Variants in SSBP3 observed in about 807,000 individuals in gnomAD.
SSBP3 encodes single stranded DNA binding protein 3, also known as single-stranded DNA-binding protein 3.
Under a neutral mutation model 69.6 loss-of-function variants are expected in SSBP3, and 5 were observed. The observed-to-expected ratio is 0.07, with a 90% CI of 0.04 to 0.15. The LOEUF (loss-of-function observed/expected upper bound fraction) is 0.15. Among genes scored for constraint, SSBP3 ranks in the 10% least tolerant of loss-of-function variants. The pLI, the probability that SSBP3 is intolerant of heterozygous loss-of-function variation, is 1.00. For missense variants in SSBP3, 312 were observed against 534.0 expected (o/e 0.58, Z 4.10); for synonymous variants, 196 against 193.4 (o/e 1.01, Z -0.11).
At chr1:54,310,325 A>C (rs1213535676) in intron 4 of SSBP3, among the ~76,000 whole-genome samples, 1 of 152,058 alleles carries the variant, frequency 6.6e-6, no homozygotes, top group Non-Finnish European at 1.5e-5. Flanking sequence ...TCACAGGAGG[A>C]GAGCTCTTTT....
intron 4 of SSBP3, among the ~76,000 whole-genome samples, chr1:54,351,376 G>A (rs1646778546): frequency 3.3e-5 from 5 of 152,246 alleles, no homozygotes; most frequent in Non-Finnish European, 1.5e-5. Flanking sequence ...CAAGGTTACC[G>A]GAAGGATGAA....
At chr1:54,394,177 G>A (rs1648692563) in intron 4 of SSBP3, among the ~76,000 whole-genome samples, 1 of 152,144 alleles carries the variant, frequency 6.6e-6, no homozygotes, top group African/African-American at 2.4e-5. Context: ...AAAGCATCCT[G>A]GACTATTGAT....
At chr1:54,233,858 GCTCA>G (rs1220437623) in intron 14 of SSBP3, among the ~76,000 whole-genome samples, 2 of 152,266 alleles carry the variant, frequency 1.3e-5, no homozygotes, top group African/African-American at 2.4e-5. Context: ...GTGCCCAACA[GCTCA>G]CTGAGAACGG....
At chr1:54,234,194 G>A (rs939198057) in intron 14 of SSBP3, among the ~76,000 whole-genome samples, 2 of 151,026 alleles carry the variant, frequency 1.3e-5, no homozygotes, top group African/African-American at 4.9e-5. Flanking sequence ...CAAGTAATCA[G>A]GGACACAAAC....
At chr1:54,297,671 G>A (rs970377492) in intron 4 of SSBP3, among the ~76,000 whole-genome samples, 1 of 152,078 alleles carries the variant, frequency 6.6e-6, no homozygotes, top group Admixed American at 6.6e-5. Flanking sequence ...GAAGGGCAAC[G>A]CCACCATCCC....
chr1:54,393,930 T>G (rs1361192158), intron 4 of SSBP3, among the ~76,000 whole-genome samples: 3 of 152,140 alleles, frequency 2.0e-5, no homozygotes, highest in Non-Finnish European at 4.4e-5. Context: ...TGGCTAATTT[T>G]TCTATTCTTA....
At chr1:54,410,588 G>A (rs1381753535), upstream of SSBP3, among the ~76,000 whole-genome samples, 3 of 152,156 alleles carry the variant, frequency 2.0e-5, no homozygotes, top group Non-Finnish European at 2.9e-5. Flanking sequence ...CAAAACCTTC[G>A]GGCCGGTCAG....
At chr1:54,356,812 A>T (rs1646875628) in intron 4 of SSBP3, 1 of 152,304 alleles carries the variant, frequency 6.6e-6, no homozygotes, top group African/African-American at 2.4e-5. Flanking sequence ...TCTCCATTTC[A>T]GGAAGTCTTC....
rs1378267406 is a variant in SSBP3 at position 54,316,405 on chromosome 1, C to T, written c.277-34878G>A. ...CTGTAATCCCAGCACTTTGGGAGGC[C>T]GAGGCGGGTGGATCATGAGGTCAGG... On this transcript the variant is annotated intron_variant, in intron 4 of 17. Transcript: ENST00000610401. Among the ~76,000 whole-genome samples the T allele has an allele frequency of 2.8e-5, 4 of 143,790 alleles. 1 individual carries two copies. The South Asian group carries it at 6.9e-4, about 25-fold the overall frequency. 94.3% of individuals were successfully genotyped at this position (143,790 alleles called of 152,430 possible).
At chr1:54,400,127 A>G (rs1285381502) in intron 4 of SSBP3, among the ~76,000 whole-genome samples, 1 of 152,210 alleles carries the variant, frequency 6.6e-6, no homozygotes, top group Non-Finnish European at 1.5e-5. Context: ...GCAAACTTTC[A>G]TGGCCGCCAT....
At chr1:54,228,509 T>C in intron 15 of SSBP3, 32 bp from the exon 16 acceptor site, 1 of 1,613,956 alleles carries the variant, frequency 6.2e-7, no homozygotes, top group Non-Finnish European at 8.5e-7. Context: ...ATTCAGTTTC[T>C]TGCTTGCTCT....
At chr1:54,339,551 T>C (rs1431094932) in intron 4 of SSBP3, among the ~76,000 whole-genome samples, 8 of 151,792 alleles carry the variant, frequency 5.3e-5, no homozygotes, top group African/African-American at 1.9e-4. Flanking sequence ...AGCCTAGCCC[T>C]AGCACATAGT....
At chr1:54,306,033 C>A (rs1645895097) in intron 4 of SSBP3, among the ~76,000 whole-genome samples, 1 of 151,818 alleles carries the variant, frequency 6.6e-6, no homozygotes, top group African/African-American at 2.4e-5. Context: ...CCTTCCCAGA[C>A]TTCCCCCAGC....
chr1:54,233,567 G>A (rs1347945708), intron 14 of SSBP3, among the ~76,000 whole-genome samples: 9 of 142,108 alleles, frequency 6.3e-5, no homozygotes, highest in Admixed American at 4.1e-4. Context: ...CCGGCCAGCC[G>A]CCCCGTCGGG....
chr1:54,268,665 C>T (rs1321787165), intron 5 of SSBP3, among the ~76,000 whole-genome samples: 3 of 152,198 alleles, frequency 2.0e-5, no homozygotes, highest in South Asian at 2.1e-4. Context: ...CTGGAAAACT[C>T]GGTAGTTTTT....
At chr1:54,301,424 A>G (rs971062005) in intron 4 of SSBP3, among the ~76,000 whole-genome samples, 1 of 152,166 alleles carries the variant, frequency 6.6e-6, no homozygotes, top group Non-Finnish European at 1.5e-5. Flanking sequence ...GTTTCTGCAG[A>G]CTGTGCCCCA....
chr1:54,253,476 G>A (rs1035814464), intron 7 of SSBP3, among the ~76,000 whole-genome samples: 2 of 152,132 alleles, frequency 1.3e-5, no homozygotes, highest in Admixed American at 1.3e-4. Context: ...ACAGGTGTGA[G>A]CCTCCGCACC....
intron 11 of SSBP3, among the ~76,000 whole-genome samples, chr1:54,241,950 G>A (rs1341232722): frequency 6.6e-6 from 1 of 152,170 alleles, no homozygotes; most frequent in East Asian, 1.9e-4. Flanking sequence ...AGAGGAGTGG[G>A]CTGGCTGGGC....
At chr1:54,363,618 T>A (rs1481332266) in intron 4 of SSBP3, among the ~76,000 whole-genome samples, 1 of 152,052 alleles carries the variant, frequency 6.6e-6, no homozygotes, top group Non-Finnish European at 1.5e-5. Context: ...ACAACACTAT[T>A]ACCCCTGAAA....
Sources: gnomAD v4.1 joint callset for allele counts (sites outside exome capture counted in the v4.1 genomes callset) on GRCh38, gnomAD v4.1.1 for gene constraint, MANE v1.5 for transcripts, NCBI Gene and HGNC (gene_info 2026-07-23, HGNC 2026-07-21) for gene names.